The following TBC1D19 variants were observed in gnomAD, a reference collection of about 807,000 sequenced individuals.
The protein encoded by TBC1D19 is TBC1 domain family member 19.
In TBC1D19, 60 loss-of-function variants were observed where a neutral mutation model predicts 89.0. The ratio of observed to expected loss-of-function variants is 0.67; its 90% CI spans 0.55 to 0.84. The LOEUF (loss-of-function observed/expected upper bound fraction) is 0.84, where lower values mean the gene tolerates loss of function less well. TBC1D19 is among the 40% of genes least tolerant of loss of function. The pLI is 0.00. For synonymous variants in TBC1D19, 189 were observed against 199.7 expected (o/e 0.95, Z 0.45); for missense variants, 500 against 610.8 (o/e 0.82, Z 1.91).
upstream of TBC1D19, among the ~76,000 whole-genome samples, chr4:26,580,320 CTTT>C (rs1739041120): frequency 6.6e-6 from 1 of 152,108 alleles, no homozygotes; most frequent in Non-Finnish European, 1.5e-5. Flanking sequence ...GTTTAAGCAC[CTTT>C]GGTGCTTTTG....
intron 13 of TBC1D19, among the ~76,000 whole-genome samples, chr4:26,696,821 A>G (rs1714831830): frequency 6.6e-6 from 1 of 152,188 alleles, no homozygotes; most frequent in Non-Finnish European, 1.5e-5. Flanking sequence ...GAGAACAAAG[A>G]CACAACATAC....
chr4:26,715,588 C>A (rs1716542239), intron 13 of TBC1D19, among the ~76,000 whole-genome samples: 1 of 152,056 alleles, frequency 6.6e-6, no homozygotes, highest in African/African-American at 2.4e-5. Context: ...AACCCTCAGC[C>A]AATGCTGCAG....
the TBC1D19 span, among the ~76,000 whole-genome samples, chr4:26,781,371 A>AC: frequency 6.6e-6 from 1 of 152,118 alleles, no homozygotes; most frequent in Non-Finnish European, 1.5e-5. Context: ...TAGTGATGTG[A>AC]CCTTGGATGT....
chr4:26,664,205 T>C (rs1198009702), intron 8 of TBC1D19, among the ~76,000 whole-genome samples: 1 of 152,158 alleles, frequency 6.6e-6, no homozygotes, highest in African/African-American at 2.4e-5. Context: ...GGATAATATA[T>C]GTGCATAAAA....
intron 8 of TBC1D19, among the ~76,000 whole-genome samples, chr4:26,662,233 A>G (rs1290954457): frequency 6.6e-6 from 1 of 152,216 alleles, no homozygotes; most frequent in Non-Finnish European, 1.5e-5. Flanking sequence ...GAAACCATTA[A>G]TATTCTCAGA....
intron 7 of TBC1D19, among the ~76,000 whole-genome samples, chr4:26,658,202 G>A (rs1483608791): frequency 1.3e-5 from 2 of 152,144 alleles, no homozygotes; most frequent in African/African-American, 4.8e-5. Flanking sequence ...TTTTCTTCTA[G>A]GATTCCTATA....
intron 1 of TBC1D19, among the ~76,000 whole-genome samples, chr4:26,596,208 C>T (rs1344580494): frequency 2.0e-5 from 3 of 152,232 alleles, no homozygotes; most frequent in Non-Finnish European, 4.4e-5. Flanking sequence ...CCATCTGCCT[C>T]GGCCTCCCAT....
Position 26,594,396 on chromosome 4 carries a change from C to T in TBC1D19, c.99+10104C>T, listed in dbSNP as rs140419475. On this transcript the variant is annotated intron_variant, in intron 1 of 20. Coordinates refer to ENST00000264866, the MANE Select transcript of TBC1D19 (RefSeq NM_018317.4). Reference sequence around the variant, plus strand: ...AGGAGATATACCTAATGTTAAATGACGAGTTAATGGGTGCAGCATACCAAA... The same window carrying T: ...AGGAGATATACCTAATGTTAAATGATGAGTTAATGGGTGCAGCATACCAAA... Among the ~76,000 whole-genome samples, 289 of 151,794 alleles carry T rather than the reference C, an allele frequency of 1.9e-3. 8 individuals are homozygous for T. In the East Asian group the frequency reaches 0.045, roughly 24 times the overall value.
chr4:26,851,906 C>A, the TBC1D19 span, among the ~76,000 whole-genome samples: 2 of 152,154 alleles, frequency 1.3e-5, no homozygotes, highest in Non-Finnish European at 2.9e-5. Context: ...TTACTTAGTG[C>A]ATGGAGGATG....
chr4:26,658,891 T>TAA (rs1245064939), intron 7 of TBC1D19, among the ~76,000 whole-genome samples: 12 of 152,196 alleles, frequency 7.9e-5, no homozygotes, highest in African/African-American at 2.9e-4. Flanking sequence ...TGTTTGTCTG[T>TAA]TATTGGTGTA....
the TBC1D19 span, among the ~76,000 whole-genome samples, chr4:26,809,335 G>A: frequency 8.5e-3 from 1,301 of 152,252 alleles, 19 homozygotes; most frequent in African/African-American, 0.03. Flanking sequence ...TGAGGGACTG[G>A]ACAAGAGAGG....
chr4:26,649,829 A>G (rs1744221040), intron 7 of TBC1D19, among the ~76,000 whole-genome samples: 1 of 152,090 alleles, frequency 6.6e-6, no homozygotes, highest in Non-Finnish European at 1.5e-5. Context: ...GTCATTTAAC[A>G]TTAGGTATAT....
intron 11 of TBC1D19, 41 bp downstream of exon 11, chr4:26,673,929 G>C (rs1453761046): frequency 8.0e-7 from 1 of 1,243,690 alleles, no homozygotes; most frequent in Admixed American, 2.5e-5. Flanking sequence ...TAGCTTTGGG[G>C]TATTTATTTT....
the TBC1D19 span, among the ~76,000 whole-genome samples, chr4:26,810,275 C>T: frequency 6.6e-6 from 1 of 152,238 alleles, no homozygotes; most frequent in Non-Finnish European, 1.5e-5. Context: ...CTCTTCGGAT[C>T]ATCTCCCAAT....
chr4:26,578,390 T>C (rs1739012616), intron 1 of TBC1D19, among the ~76,000 whole-genome samples: 1 of 152,192 alleles, frequency 6.6e-6, no homozygotes, highest in Non-Finnish European at 1.5e-5. Context: ...GGACCAATAT[T>C]GCAGCCGTCC....
intron 7 of TBC1D19, among the ~76,000 whole-genome samples, chr4:26,656,277 A>C (rs1205773663): frequency 1.3e-5 from 2 of 152,064 alleles, no homozygotes; most frequent in East Asian, 3.8e-4. Context: ...TATACTTTTA[A>C]AATAACAATA....
chr4:26,710,599 A>G (rs1716109729), intron 13 of TBC1D19, among the ~76,000 whole-genome samples: 1 of 152,176 alleles, frequency 6.6e-6, no homozygotes, highest in South Asian at 2.1e-4. Context: ...TCCCTGAGGA[A>G]TCACCACACC....
intron 13 of TBC1D19, among the ~76,000 whole-genome samples, chr4:26,697,434 C>A: frequency 6.6e-6 from 1 of 152,120 alleles, no homozygotes; most frequent in Non-Finnish European, 1.5e-5. Flanking sequence ...ACCAGAGGTA[C>A]AAGGAGGAGC....
chr4:26,599,221 G>A (rs1189028924), intron 1 of TBC1D19, among the ~76,000 whole-genome samples: 1 of 152,084 alleles, frequency 6.6e-6, no homozygotes, highest in Non-Finnish European at 1.5e-5. Context: ...ATATCCATTA[G>A]CACTGACATT....
Sources: allele counts gnomAD v4.1 joint callset (sites outside exome capture counted in the v4.1 genomes callset), GRCh38; gene constraint gnomAD v4.1.1; transcripts MANE v1.5; gene names NCBI Gene and HGNC (gene_info 2026-07-23, HGNC 2026-07-21).